Variants in THSD4 observed in about 807,000 individuals in gnomAD.
THSD4 encodes thrombospondin type 1 domain containing 4, also known as thrombospondin type-1 domain-containing protein 4.
THSD4 carries 69 observed loss-of-function variants against 119.0 expected under a neutral mutation model. The ratio of observed to expected loss-of-function variants is 0.58; its 90% confidence interval spans 0.48 to 0.71. The LOEUF is 0.71. Ranked by LOEUF, THSD4 falls within the 30% of genes least tolerant of loss-of-function variation. The pLI, the probability that THSD4 is intolerant of heterozygous loss-of-function variation, is 0.00. For synonymous variants in THSD4, 524 were observed against 540.4 expected (o/e 0.97, Z 0.42); for missense variants, 1,393 against 1,391.1 (o/e 1.00, Z -0.02).
At chr15:71,347,286 C>T (rs189757493) in intron 6 of THSD4, among the ~76,000 whole-genome samples, 162 of 152,226 alleles carry the variant, frequency 1.1e-3, no homozygotes, top group Non-Finnish European at 1.5e-3. Context: ...TGAATGTAAT[C>T]AATTTCACAT....
chr15:71,358,994 A>G (rs906393900), intron 6 of THSD4, among the ~76,000 whole-genome samples: 1 of 152,164 alleles, frequency 6.6e-6, no homozygotes. Context: ...TAGGTAGAGG[A>G]TTCATTTTAC....
chr15:71,273,679 TACAC>T (rs2044558880), intron 6 of THSD4, among the ~76,000 whole-genome samples: 1 of 152,150 alleles, frequency 6.6e-6, no homozygotes, highest in Non-Finnish European at 1.5e-5. Context: ...AATTTAAAAA[TACAC>T]AGTATCATTT....
chr15:71,587,600 A>G (rs2049698065), intron 7 of THSD4, among the ~76,000 whole-genome samples: 1 of 118,020 alleles, frequency 8.5e-6, no homozygotes, highest in South Asian at 3.5e-4. Flanking sequence ...AGGAAGGGGA[A>G]TATCACACTC....
At chr15:71,765,866 G>A (rs368563990) in intron 16 of THSD4, among the ~76,000 whole-genome samples, 5 of 151,478 alleles carry the variant, frequency 3.3e-5, no homozygotes, top group African/African-American at 1.2e-4. Context: ...ATGGATTGTG[G>A]GACTGATTCT....
chr15:71,752,143 G>A (rs948557623), intron 14 of THSD4, among the ~76,000 whole-genome samples: 5 of 152,108 alleles, frequency 3.3e-5, no homozygotes, highest in African/African-American at 1.2e-4. Flanking sequence ...AAGGCAGGGG[G>A]CACAGAGCAC....
At chr15:71,334,474 C>T (rs138036498) in intron 6 of THSD4, among the ~76,000 whole-genome samples, 2 of 152,194 alleles carry the variant, frequency 1.3e-5, no homozygotes, top group Admixed American at 6.5e-5. Flanking sequence ...GCTTACTAAA[C>T]ATCCAATACA....
rs1354432658 is a variant in THSD4 at position 71,274,426 on chromosome 15, G to A, written c.1015+17711G>A. 2.6e-5 allele frequency among the ~76,000 whole-genome samples: 3 copies of A among 116,184 alleles called. No individual in the cohort carries two copies. The East Asian group carries it at 7.6e-4, about 29-fold the overall frequency. 76.2% of individuals were successfully genotyped at this position (116,184 alleles called of 152,430 possible). A position where few individuals can be genotyped will look rare whatever the true frequency, so the allele number is the denominator to read the frequency against. On this transcript the variant is annotated intron_variant, in intron 6 of 17. Coordinates refer to ENST00000261862, the MANE Select transcript of THSD4 (RefSeq NM_024817.3). Reference sequence around the variant, plus strand: ...CCCTCTGATCCCAAATGTGATGCTGGTGTAATTCAGGTTGACCAGTGTGTA... The same window carrying A: ...CCCTCTGATCCCAAATGTGATGCTGATGTAATTCAGGTTGACCAGTGTGTA...
chr15:71,601,332 T>G lies in THSD4; in HGVS notation c.1153-59198T>G, dbSNP rs573179217. Among the ~76,000 whole-genome samples, 3 of 152,256 alleles carry G rather than the reference T, an allele frequency of 2.0e-5. No homozygotes were observed. In the South Asian group the frequency reaches 6.2e-4, roughly 32 times the overall value. On this transcript the variant is annotated intron_variant, in intron 7 of 17. Transcript: ENST00000261862. ...ATGCATTTATGAAATCAGCCTAGAA[T>G]GGAAGCCTTTAGCAGCTAGAGAAAG...
intron 7 of THSD4, among the ~76,000 whole-genome samples, chr15:71,569,224 C>A (rs1265737518): frequency 6.6e-6 from 1 of 152,094 alleles, no homozygotes; most frequent in African/African-American, 2.4e-5. Context: ...AGTGCTGACC[C>A]ACACGGAGGC....
At chr15:71,716,913 G>A (rs968769206) in intron 8 of THSD4, among the ~76,000 whole-genome samples, 4 of 152,100 alleles carry the variant, frequency 2.6e-5, no homozygotes, top group African/African-American at 9.7e-5. Context: ...TTCTCCATGG[G>A]AACTTCTGGG....
At chr15:71,591,758 T>C (rs1265603735) in intron 7 of THSD4, among the ~76,000 whole-genome samples, 2 of 148,128 alleles carry the variant, frequency 1.4e-5, no homozygotes, top group African/African-American at 4.9e-5. Context: ...AAAAAATCAA[T>C]AAATCCAGAT....
At chr15:71,617,434 A>G (rs1357238720) in intron 7 of THSD4, among the ~76,000 whole-genome samples, 2 of 150,486 alleles carry the variant, frequency 1.3e-5, no homozygotes, top group East Asian at 3.9e-4. Flanking sequence ...CTTTCCCTTC[A>G]TCTCAGTTTC....
chr15:71,146,008 A>G (rs1315675635), intron 2 of THSD4, among the ~76,000 whole-genome samples: 2 of 152,266 alleles, frequency 1.3e-5, no homozygotes, highest in Non-Finnish European at 2.9e-5. Flanking sequence ...TTAATGCTTA[A>G]TAAATATTTG....
At chr15:71,445,876 A>G (rs2047173727) in intron 7 of THSD4, among the ~76,000 whole-genome samples, 1 of 152,246 alleles carries the variant, frequency 6.6e-6, no homozygotes, top group South Asian at 2.1e-4. Context: ...TGTACATCAA[A>G]GCATTAAGCA....
intron 7 of THSD4, among the ~76,000 whole-genome samples, chr15:71,512,899 T>C (rs1185090970): frequency 6.6e-6 from 1 of 152,210 alleles, no homozygotes; most frequent in East Asian, 1.9e-4. Context: ...GATTTTTAGC[T>C]GCAATAATAC....
At chr15:71,716,679 T>A (rs996158656) in intron 8 of THSD4, among the ~76,000 whole-genome samples, 1 of 151,862 alleles carries the variant, frequency 6.6e-6, no homozygotes, top group Non-Finnish European at 1.5e-5. Context: ...TGGGCTGTTA[T>A]CCTGCCCAGC....
rs548573983 is a variant in THSD4 at position 71,742,560 on chromosome 15, C to CG, written c.1907-2545dup. ...TCAACATGTCCGCATATAAGGCAAC[C>CG]GAACTGATCTCGAATAGTTTTCCTG... On this transcript the variant is annotated intron_variant, in intron 11 of 17. Transcript: ENST00000261862. Among the ~76,000 whole-genome samples the CG allele has an allele frequency of 7.3e-3, 1,107 of 152,290 alleles. 7 individuals are homozygous for CG. Among genetic ancestry groups the CG allele is most frequent in the Non-Finnish European group, 0.012 (787 of 68,032 alleles).
At chr15:71,258,458 C>T (rs913920364) in intron 6 of THSD4, among the ~76,000 whole-genome samples, 3 of 152,134 alleles carry the variant, frequency 2.0e-5, no homozygotes, top group Non-Finnish European at 2.9e-5. Flanking sequence ...GGATTACAGA[C>T]GTGAGCCACC....
chr15:71,730,070 A>T (rs1458012852), intron 9 of THSD4: 8 of 152,208 alleles, frequency 5.3e-5, no homozygotes, highest in African/African-American at 1.7e-4. Context: ...CATGGCATAA[A>T]CAGGAAGAAT....
Sources: allele counts gnomAD v4.1 joint callset (sites outside exome capture counted in the v4.1 genomes callset), GRCh38; gene constraint gnomAD v4.1.1; transcripts MANE v1.5; gene names NCBI Gene and HGNC (gene_info 2026-07-23, HGNC 2026-07-21).